The following FMN1 variants were observed in gnomAD, a reference collection of about 807,000 sequenced individuals.
FMN1 encodes formin 1.
Under a neutral mutation model 132.4 loss-of-function variants are expected in FMN1, and 110 were observed. That is an observed-to-expected ratio of 0.83 (90% CI 0.71 to 0.97). FMN1 has a LOEUF of 0.97. FMN1 is among the 50% of genes least tolerant of loss of function. FMN1 has a pLI of 0.00. For missense variants in FMN1, 1,792 were observed against 1,705.3 expected (o/e 1.05, Z -0.90); for synonymous variants, 722 against 651.7 (o/e 1.11, Z -1.64).
chr15:33,105,031 C>T (rs902859276), intron 4 of FMN1, among the ~76,000 whole-genome samples: 6 of 152,200 alleles, frequency 3.9e-5, no homozygotes, highest in Admixed American at 6.6e-5. Flanking sequence ...TGGCACTTTG[C>T]AAGCTGGGGA....
At chr15:32,802,139 C>T (rs757930879) in intron 18 of FMN1, among the ~76,000 whole-genome samples, 1 of 152,158 alleles carries the variant, frequency 6.6e-6, no homozygotes, top group Non-Finnish European at 1.5e-5. Context: ...GATTTCTAAT[C>T]CTATGTTTGG....
intron 7 of FMN1, among the ~76,000 whole-genome samples, chr15:32,995,781 C>A (rs78390854): frequency 0.032 from 4,888 of 152,292 alleles, 104 homozygotes; most frequent in Middle Eastern, 0.085. Context: ...TTATCTTACT[C>A]AGAACCGTTC....
intron 10 of FMN1, among the ~76,000 whole-genome samples, chr15:32,912,433 A>T (rs2060584384): frequency 6.6e-6 from 1 of 152,240 alleles, no homozygotes; most frequent in African/African-American, 2.4e-5. Context: ...GATCTGTTCT[A>T]AATACTGTGG....
chr15:32,982,802 T>A (rs188700614), intron 7 of FMN1, among the ~76,000 whole-genome samples: 1 of 152,058 alleles, frequency 6.6e-6, no homozygotes, highest in Non-Finnish European at 1.5e-5. Flanking sequence ...GGGTCTTGAG[T>A]CTGCCAGGTT....
intron 7 of FMN1, among the ~76,000 whole-genome samples, chr15:32,977,863 C>CT (rs773212104): frequency 0.017 from 2,370 of 142,536 alleles, 18 homozygotes; most frequent in African/African-American, 0.032. Flanking sequence ...TACAATTATT[C>CT]TTTTTTTTTT....
intron 9 of FMN1, among the ~76,000 whole-genome samples, chr15:32,954,858 T>C (rs2061729787): frequency 6.6e-6 from 1 of 152,024 alleles, no homozygotes; most frequent in Non-Finnish European, 1.5e-5. Flanking sequence ...ATACAAAAAT[T>C]AGCCAGGCAT....
intron 4 of FMN1, chr15:33,150,316 C>G: frequency 1.0e-6 from 1 of 985,446 alleles, no homozygotes; most frequent in Middle Eastern, 5.2e-4. Flanking sequence ...TCCACAAAGG[C>G]TTGGGAACAT....
chr15:32,991,685 T>C (rs1372699975), intron 7 of FMN1, among the ~76,000 whole-genome samples: 1 of 152,144 alleles, frequency 6.6e-6, no homozygotes, highest in Non-Finnish European at 1.5e-5. Flanking sequence ...GCTTGATAAA[T>C]GGTGTGAAAA....
intron 6 of FMN1, chr15:33,064,193 C>G (rs1449650760): frequency 6.6e-6 from 1 of 152,190 alleles, no homozygotes; most frequent in Non-Finnish European, 1.5e-5. Context: ...CCTCAATGCA[C>G]ACATACACCT....
chr15:32,905,060 GA>G (rs1179770765), intron 12 of FMN1, among the ~76,000 whole-genome samples: 2 of 152,208 alleles, frequency 1.3e-5, no homozygotes, highest in African/African-American at 4.8e-5. Flanking sequence ...ATTCCCAAAA[GA>G]AGCCACAAAT....
intron 7 of FMN1, among the ~76,000 whole-genome samples, chr15:33,006,971 G>C (rs1269325606): frequency 6.6e-6 from 1 of 152,114 alleles, no homozygotes; most frequent in Non-Finnish European, 1.5e-5. Context: ...ATAAATTCAA[G>C]ATGATCTTCT....
chr15:32,814,298 T>C (rs1156774477), intron 17 of FMN1, among the ~76,000 whole-genome samples: 1 of 152,256 alleles, frequency 6.6e-6, no homozygotes, highest in Non-Finnish European at 1.5e-5. Flanking sequence ...ATTTATAAAA[T>C]ATAATTTTCA....
intron 9 of FMN1, among the ~76,000 whole-genome samples, chr15:32,945,810 C>A (rs2061497291): frequency 6.6e-6 from 1 of 152,152 alleles, no homozygotes. Flanking sequence ...GTGCCTCAAG[C>A]CACTGGAAGG....
At chr15:33,098,245 T>A (rs1210281705) in intron 4 of FMN1, among the ~76,000 whole-genome samples, 1 of 152,216 alleles carries the variant, frequency 6.6e-6, no homozygotes, top group Admixed American at 6.5e-5. Context: ...TACTTCATGC[T>A]GAGTGACTGT....
chr15:32,776,714 GCTA>G, intron 20 of FMN1, 118 bp downstream of exon 20: 1 of 489,536 alleles, frequency 2.0e-6, no homozygotes, highest in Non-Finnish European at 3.5e-6. Flanking sequence ...TTAACCATAT[GCTA>G]CTCTGGGATG....
chr15:32,953,797 A>C (rs1296300384), intron 9 of FMN1, among the ~76,000 whole-genome samples: 1 of 152,222 alleles, frequency 6.6e-6, no homozygotes, highest in Non-Finnish European at 1.5e-5. Context: ...TTATGTAAGG[A>C]CAACTGCAAA....
chr15:33,150,346 G>A (rs377221556), intron 4 of FMN1: 43 of 985,242 alleles, frequency 4.4e-5, no homozygotes, highest in African/African-American at 4.0e-4. Flanking sequence ...GTCTCCACCC[G>A]CCAAATAAAA....
intron 6 of FMN1, among the ~76,000 whole-genome samples, chr15:33,059,541 T>G (rs1235380019): frequency 6.6e-6 from 1 of 152,224 alleles, no homozygotes; most frequent in African/African-American, 2.4e-5. Context: ...GTATTTTCCT[T>G]GTTGGATCTT....
At position 33,001,289 on chromosome 15, in the gene FMN1, G is replaced by GA. The variant is rs934403102; in HGVS notation, c.2223+6724dup. Among the ~76,000 whole-genome samples the GA allele has an allele frequency of 2.0e-4, 29 of 145,628 alleles. 1 individual carries two copies. Among genetic ancestry groups the GA allele is most frequent in the South Asian group, 4.3e-4 (2 of 4,634 alleles). ...CAAGAGTAAGACTCCGTCTCAAAAA[G>GA]AAAAAAAAAAGTGTAGCAATTTACA... On this transcript the variant is annotated intron_variant, in intron 7 of 20. Coordinates refer to ENST00000616417, the MANE Select transcript of FMN1 (RefSeq NM_001277313.2).
Sources: allele counts gnomAD v4.1 joint callset (sites outside exome capture counted in the v4.1 genomes callset), GRCh38; gene constraint gnomAD v4.1.1; transcripts MANE v1.5; gene names NCBI Gene and HGNC (gene_info 2026-07-23, HGNC 2026-07-21).